Variants in MPRIP observed in about 807,000 individuals in gnomAD.
MPRIP encodes myosin phosphatase Rho interacting protein, also known as myosin phosphatase Rho-interacting protein.
MPRIP carries 59 observed loss-of-function variants against 234.9 expected under a neutral mutation model. That is an observed-to-expected ratio of 0.25 (90% CI 0.20 to 0.31). The LOEUF is 0.31. MPRIP is among the 10% of genes least tolerant of loss of function. MPRIP has a pLI of 1.00. For synonymous variants in MPRIP, 1,144 were observed against 1,263.9 expected (o/e 0.91, Z 2.01); for missense variants, 2,436 against 3,071.0 (o/e 0.79, Z 4.89).
At chr17:17,055,226 G>A (rs141246391) in intron 1 of MPRIP, among the ~76,000 whole-genome samples, 2 of 152,134 alleles carry the variant, frequency 1.3e-5, no homozygotes, top group African/African-American at 2.4e-5. Context: ...TTTGATGGGT[G>A]TATGAGTTGC....
At chr17:17,179,336 A>G (rs1190198676) in intron 22 of MPRIP, among the ~76,000 whole-genome samples, 1 of 151,548 alleles carries the variant, frequency 6.6e-6, no homozygotes, top group Non-Finnish European at 1.5e-5. Flanking sequence ...AGTCCCAGCT[A>G]CTCGGGAGGC....
At chr17:17,054,682 C>T (rs1212106129) in intron 1 of MPRIP, among the ~76,000 whole-genome samples, 1 of 151,382 alleles carries the variant, frequency 6.6e-6, no homozygotes, top group Non-Finnish European at 1.5e-5. Context: ...TTTTCCTCAA[C>T]ATTGTTATAA....
chr17:17,163,121 G>A (rs1417550543), intron 15 of MPRIP, among the ~76,000 whole-genome samples: 1 of 152,204 alleles, frequency 6.6e-6, no homozygotes, highest in Non-Finnish European at 1.5e-5. Flanking sequence ...GGGGGTCTGT[G>A]GGGTTAAGGG....
At chr17:17,124,911 C>T (rs2090461603) in intron 3 of MPRIP, among the ~76,000 whole-genome samples, 1 of 152,158 alleles carries the variant, frequency 6.6e-6, no homozygotes, top group Non-Finnish European at 1.5e-5. Flanking sequence ...AGCCAGGACC[C>T]CCACCTTGGG....
At chr17:17,062,652 G>A (rs992217220) in intron 1 of MPRIP, among the ~76,000 whole-genome samples, 31 of 152,254 alleles carry the variant, frequency 2.0e-4, no homozygotes, top group African/African-American at 6.3e-4. Context: ...GGCCAGCTGC[G>A]TTGATAGTGT....
chr17:17,107,962 C>T (rs868735519), intron 3 of MPRIP, among the ~76,000 whole-genome samples: 1 of 152,204 alleles, frequency 6.6e-6, no homozygotes, highest in South Asian at 2.1e-4. Context: ...TGCTCAGGGG[C>T]CTGCCCGGAG....
intron 11 of MPRIP, among the ~76,000 whole-genome samples, chr17:17,148,073 A>G (rs1468482752): frequency 1.3e-5 from 2 of 152,234 alleles, no homozygotes; most frequent in Non-Finnish European, 2.9e-5. Context: ...AGATGATTGG[A>G]AAGAGCCTAA....
At chr17:17,079,732 A>G (rs1332082550) in intron 3 of MPRIP, among the ~76,000 whole-genome samples, 4 of 152,234 alleles carry the variant, frequency 2.6e-5, no homozygotes, top group Admixed American at 6.5e-5. Flanking sequence ...CAGTCAGGAA[A>G]TCTTTCTTTA....
At chr17:17,144,677 GA>G (rs1482330364) in intron 9 of MPRIP, among the ~76,000 whole-genome samples, 1 of 152,212 alleles carries the variant, frequency 6.6e-6, no homozygotes, top group Non-Finnish European at 1.5e-5. Flanking sequence ...CCAACATGGT[GA>G]AACACTGACT....
chr17:17,133,716 C>T (rs932986511), intron 5 of MPRIP, among the ~76,000 whole-genome samples: 4 of 152,144 alleles, frequency 2.6e-5, no homozygotes, highest in East Asian at 3.9e-4. Flanking sequence ...GGCCAAGGAT[C>T]GCACTGCGGG....
intron 3 of MPRIP, chr17:17,096,821 A>T (rs1487807198): frequency 2.1e-6 from 1 of 471,162 alleles, no homozygotes; most frequent in Non-Finnish European, 4.4e-6. Flanking sequence ...GGGAGCTTGG[A>T]TTCATTCACC....
chr17:17,150,361 T>C (rs758078513), intron 12 of MPRIP, 128 bp downstream of exon 12: 2 of 665,492 alleles, frequency 3.0e-6, no homozygotes, highest in Non-Finnish European at 5.4e-6. Flanking sequence ...CACTTAGTCT[T>C]TCCCACTACC....
At position 17,166,573 on chromosome 17, in the gene MPRIP, T is replaced by A; in HGVS notation, c.4982T>A (p.Ile1661Asn). 4 of 1,304,184 alleles carry A rather than the reference T, an allele frequency of 3.1e-6. No individual in the cohort carries two copies. The highest frequency in any genetic ancestry group is 4.0e-6 in the Non-Finnish European group (4 of 988,962). The allele number at this position is 1,304,184 out of a possible 1,614,324, so 80.8% of individuals were successfully genotyped here. The change falls in exon 16 of 24, where the codon ATC becomes AAC. Residue 1661 changes from isoleucine (I) to asparagine (N), a missense_variant. Ile to Asn is a moderately radical substitution (Grantham distance 149). Around this residue, in one of 4 missense-constraint regions of MPRIP, gnomAD observed 1,998 missense variants for 2,520.3 expected, o/e 0.79. Transcript: ENST00000651222. The surrounding 1 kb of genome is among the most constrained non-coding windows in gnomAD (Gnocchi z 4.4). ...AGCATCCCACAGGGCCTGGCCCCCA[T>A]CCTGGCCAATGCCACATGGGTCAGG... is the stretch of plus-strand genomic sequence containing the variant. Reference protein sequence around the residue: ...QQSIPQGLAPILANATWVRAE... With the variant: ...QQSIPQGLAPNLANATWVRAE...
At chr17:17,047,259 C>T (rs1219036149) in intron 1 of MPRIP, among the ~76,000 whole-genome samples, 1 of 152,162 alleles carries the variant, frequency 6.6e-6, no homozygotes, top group Non-Finnish European at 1.5e-5. Flanking sequence ...GGCCTGTGAG[C>T]CATAGTTTGC....
At chr17:17,131,748 C>A in intron 5 of MPRIP, 47 bp downstream of exon 5, 2 of 1,567,230 alleles carry the variant, frequency 1.3e-6, no homozygotes, top group East Asian at 2.2e-5. Flanking sequence ...GGAGCCAGGG[C>A]TTGGGAAGAA....
intron 3 of MPRIP, among the ~76,000 whole-genome samples, chr17:17,116,423 G>C (rs2090287086): frequency 6.6e-6 from 1 of 152,244 alleles, no homozygotes; most frequent in Non-Finnish European, 1.5e-5. Flanking sequence ...AATTGGTGCA[G>C]GGAGCAGAGC....
rs76979770 is a variant in MPRIP, at chr17:17,108,963, C to G, written c.268-17739C>G. On this transcript the variant is annotated intron_variant, in intron 3 of 23. Transcript: ENST00000651222. ...CCGCCCACCTGTATGCTAGCACTGC[C>G]TCTTCTCCAGTGCAACTTCTCCCGC... 5.4e-4 allele frequency among the ~76,000 whole-genome samples: 82 copies of G among 152,348 alleles called. 1 individual carries two copies. The East Asian group carries it at 0.01, about 19-fold the overall frequency.
At chr17:17,148,665 C>T (rs1489835532) in intron 11 of MPRIP, among the ~76,000 whole-genome samples, 1 of 152,158 alleles carries the variant, frequency 6.6e-6, no homozygotes, top group Non-Finnish European at 1.5e-5. Context: ...CAGGCTTTCT[C>T]ATGGAAAGGA....
intron 22 of MPRIP, chr17:17,178,869 TGATTACACTG>T (rs1310264283): frequency 6.6e-6 from 1 of 151,294 alleles, no homozygotes; most frequent in African/African-American, 2.4e-5. Context: ...CAGTGAGCCA[TGATTACACTG>T]CTGCACTCCA....
Sources: gnomAD v4.1 joint callset for allele counts (sites outside exome capture counted in the v4.1 genomes callset) on GRCh38, gnomAD v4.1.1 for gene constraint, gnomAD v4.1.1 regional missense constraint, Gnocchi (gnomAD v3.1) non-coding constraint, MANE v1.5 for transcripts, NCBI Gene and HGNC (gene_info 2026-07-23, HGNC 2026-07-21) for gene names.